Variants in MTHFD2L observed in about 807,000 individuals in gnomAD.
MTHFD2L encodes bifunctional methylenetetrahydrofolate dehydrogenase/cyclohydrolase 2, mitochondrial.
Under a neutral mutation model 34.9 loss-of-function variants are expected in MTHFD2L, and 29 were observed. That is an observed-to-expected ratio of 0.83 (90% CI 0.62 to 1.13). The LOEUF (loss-of-function observed/expected upper bound fraction) is 1.13. Ranked by LOEUF, MTHFD2L falls within the 50% of genes most tolerant of loss-of-function variation. The probability of loss-of-function intolerance (pLI) is 0.00; values close to 1 mark genes in which losing one functional copy is unlikely to be tolerated. For missense variants in MTHFD2L, 481 were observed against 446.5 expected (o/e 1.08, Z -0.70); for synonymous variants, 167 against 155.7 (o/e 1.07, Z -0.54).
intron 3 of MTHFD2L, among the ~76,000 whole-genome samples, chr4:74,189,696 C>A (rs1732128932): frequency 2.0e-5 from 3 of 151,804 alleles, no homozygotes; most frequent in African/African-American, 7.3e-5. Context: ...CAGTTATTAT[C>A]AAAAATTTGT....
intron 5 of MTHFD2L, among the ~76,000 whole-genome samples, chr4:74,219,782 T>G (rs1737837641): frequency 6.6e-6 from 1 of 152,108 alleles, no homozygotes; most frequent in Non-Finnish European, 1.5e-5. Context: ...CCATGGTTAA[T>G]ATTGGTATAG....
At chr4:74,152,549 G>A (rs1383926752) in intron 1 of MTHFD2L, among the ~76,000 whole-genome samples, 1 of 151,944 alleles carries the variant, frequency 6.6e-6, no homozygotes, top group Non-Finnish European at 1.5e-5. Context: ...GGATACATGT[G>A]CAGAACATGC....
intron 1 of MTHFD2L, 136 bp downstream of exon 1, chr4:74,158,417 G>C (rs1378567698): frequency 1.6e-6 from 1 of 631,258 alleles, no homozygotes; most frequent in Non-Finnish European, 2.0e-6. Context: ...GGACAGCCTT[G>C]TCTGTGAGGT....
chr4:74,261,895 G>C (rs1202331655), intron 6 of MTHFD2L, among the ~76,000 whole-genome samples: 1 of 151,900 alleles, frequency 6.6e-6, no homozygotes, highest in Non-Finnish European at 1.5e-5. Context: ...ATCATATATT[G>C]TTCTAAGGTC....
chr4:74,147,440 G>A (rs1328573251), intron 1 of MTHFD2L, among the ~76,000 whole-genome samples: 1 of 152,164 alleles, frequency 6.6e-6, no homozygotes, highest in African/African-American at 2.4e-5. Flanking sequence ...ACAGCTTGGT[G>A]GTGCTGAACA....
intron 6 of MTHFD2L, among the ~76,000 whole-genome samples, chr4:74,251,985 G>A (rs1578621409): frequency 1.3e-5 from 2 of 152,190 alleles, no homozygotes. Flanking sequence ...CACAGGCAAG[G>A]TGGGTGATGG....
chr4:74,286,935 G>A (rs1748253895), intron 7 of MTHFD2L, among the ~76,000 whole-genome samples: 1 of 152,168 alleles, frequency 6.6e-6, no homozygotes, highest in Admixed American at 6.6e-5. Context: ...AAAGAGAAAT[G>A]ATGTGTAGGC....
chr4:74,137,497 A>G (rs938656688), intron 1 of MTHFD2L, among the ~76,000 whole-genome samples: 11 of 152,150 alleles, frequency 7.2e-5, no homozygotes, highest in African/African-American at 2.7e-4. Context: ...GAGAAAGGGG[A>G]ATTCTCATAC....
Position 74,298,779 on chromosome 4 carries a change from T to G in MTHFD2L, c.932-2918T>G, listed in dbSNP as rs373900277. Among the ~76,000 whole-genome samples, 8 of 152,144 alleles carry G rather than the reference T, an allele frequency of 5.3e-5. No individual in the cohort carries two copies. In the East Asian group the frequency reaches 5.8e-4, roughly 11 times the overall value. On this transcript the variant is annotated intron_variant, in intron 7 of 7. Coordinates refer to ENST00000325278, the MANE Select transcript of MTHFD2L (RefSeq NM_001144978.3). Reference sequence around the variant, plus strand: ...TATCCTGCTAACACTTTGAGAAAACTGAGTTAATTTTTGGCACTTGAGCCA... The same window carrying G: ...TATCCTGCTAACACTTTGAGAAAACGGAGTTAATTTTTGGCACTTGAGCCA...
chr4:74,288,168 G>A (rs1748433694), intron 7 of MTHFD2L: 1 of 152,178 alleles, frequency 6.6e-6, no homozygotes, highest in South Asian at 2.1e-4. Flanking sequence ...TCATTCTGAG[G>A]TACTGGGGTT....
chr4:74,267,339 C>A (rs1418048786), intron 6 of MTHFD2L: 1 of 611,012 alleles, frequency 1.6e-6, no homozygotes, highest in Non-Finnish European at 2.0e-6. Context: ...TTCTTTCTTC[C>A]TTTCTTTCTC....
At chr4:74,178,392 T>G (rs965770689) in intron 3 of MTHFD2L, among the ~76,000 whole-genome samples, 2 of 152,082 alleles carry the variant, frequency 1.3e-5, no homozygotes, top group Admixed American at 6.6e-5. Flanking sequence ...TTACATTTAG[T>G]TTGTCACAGA....
intron 6 of MTHFD2L, among the ~76,000 whole-genome samples, chr4:74,249,806 G>A (rs1743046690): frequency 6.6e-6 from 1 of 151,992 alleles, no homozygotes; most frequent in Non-Finnish European, 1.5e-5. Context: ...TTGAATATTG[G>A]CCCCCACTCT....
intron 7 of MTHFD2L, among the ~76,000 whole-genome samples, chr4:74,298,362 C>A (rs992544065): frequency 2.6e-5 from 4 of 152,098 alleles, no homozygotes; most frequent in African/African-American, 7.2e-5. Flanking sequence ...AACTGATAGG[C>A]AGGACAGGGT....
intron 1 of MTHFD2L, among the ~76,000 whole-genome samples, chr4:74,133,516 C>A (rs1722699154): frequency 6.6e-6 from 1 of 151,312 alleles, no homozygotes; most frequent in African/African-American, 2.4e-5. Flanking sequence ...TTGTTTTTTT[C>A]TTTTCTTTCT....
At chr4:74,200,680 G>A (rs968171554) in intron 4 of MTHFD2L, among the ~76,000 whole-genome samples, 5 of 152,044 alleles carry the variant, frequency 3.3e-5, no homozygotes, top group African/African-American at 9.7e-5. Flanking sequence ...ACAGATCCTA[G>A]AATCATACTC....
At chr4:74,181,145 G>C (rs938661601) in intron 3 of MTHFD2L, among the ~76,000 whole-genome samples, 1 of 152,044 alleles carries the variant, frequency 6.6e-6, no homozygotes, top group African/African-American at 2.4e-5. Flanking sequence ...ATAAATGTTT[G>C]TTATAGAATA....
chr4:74,258,552 C>A (rs1267991201), intron 6 of MTHFD2L, among the ~76,000 whole-genome samples: 1 of 151,998 alleles, frequency 6.6e-6, no homozygotes, highest in East Asian at 1.9e-4. Context: ...ATGAGTTTTT[C>A]AGGACTAACT....
intron 1 of MTHFD2L, among the ~76,000 whole-genome samples, chr4:74,130,385 C>G (rs1722396661): frequency 6.6e-6 from 1 of 152,138 alleles, no homozygotes; most frequent in Admixed American, 6.6e-5. Context: ...AAAGCTTATC[C>G]ACCATGATCA....
Sources: allele counts gnomAD v4.1 joint callset (sites outside exome capture counted in the v4.1 genomes callset), GRCh38; gene constraint gnomAD v4.1.1; transcripts MANE v1.5; gene names NCBI Gene and HGNC (gene_info 2026-07-23, HGNC 2026-07-21).